DPM1: variants seen among roughly 807,000 people sequenced by gnomAD.
The protein encoded by DPM1 is dolichyl-phosphate mannosyltransferase subunit 1, catalytic.
DPM1 carries 27 observed loss-of-function variants against 39.0 expected under a neutral mutation model. That is an observed-to-expected ratio of 0.69 (90% confidence interval 0.51 to 0.95). The LOEUF (loss-of-function observed/expected upper bound fraction) is 0.95, where lower values mean the gene tolerates loss of function less well. DPM1 is among the 40% of genes least tolerant of loss of function. DPM1 has a pLI of 0.00. For synonymous variants in DPM1, 124 were observed against 109.0 expected, an observed-to-expected ratio of 1.14 and a Z score of -0.86; for missense variants, 307 against 315.6, an observed-to-expected ratio of 0.97 and a Z score of 0.21.
intron 2 of DPM1, among the ~76,000 whole-genome samples, chr20:50,954,967 A>G (rs1986753346): frequency 6.6e-6 from 1 of 152,218 alleles, no homozygotes; most frequent in Non-Finnish European, 1.5e-5. Flanking sequence ...GAGTTCATCC[A>G]AAAGCTCACT....
intron 2 of DPM1, among the ~76,000 whole-genome samples, chr20:50,952,639 C>T (rs1249548690): frequency 2.0e-5 from 3 of 152,090 alleles, no homozygotes; most frequent in Non-Finnish European, 1.5e-5. Flanking sequence ...CTGGCCATTT[C>T]TAGTTTTGGT....
In DPM1 at chr20:50,958,532, T is replaced by C; in HGVS notation, c.-9A>G. On this transcript the variant is annotated 5_prime_UTR_variant, in exon 1 of 9. Coordinates refer to ENST00000371588, the MANE Select transcript of DPM1 (RefSeq NM_003859.3). Reference sequence around the variant, plus strand: ...ACTTCCAAGGAGGCCATGGCGGAACTGAGCCAGATGCCGGAAGCGGAATTA... The same window carrying C: ...ACTTCCAAGGAGGCCATGGCGGAACCGAGCCAGATGCCGGAAGCGGAATTA... The C allele has an allele frequency of 6.2e-7, 1 of 1,612,930 alleles. No homozygotes were observed. The highest frequency in any genetic ancestry group is 8.5e-7 in the Non-Finnish European group (1 of 1,179,914).
chr20:50,941,903 G>C, intron 6 of DPM1, 128 bp downstream of exon 6: 1 of 795,078 alleles, frequency 1.3e-6, no homozygotes. Flanking sequence ...AAACTATCTG[G>C]GAGTATTTAC....
chr20:50,939,654 G>A (rs77800093), intron 7 of DPM1, among the ~76,000 whole-genome samples: 16,441 of 140,992 alleles, frequency 0.12, 916 homozygotes, highest in Middle Eastern at 0.21. Context: ...TTCCTCTGTC[G>A]CCAGGCTGGA....
At chr20:50,947,499 A>G (rs985931063) in intron 3 of DPM1, among the ~76,000 whole-genome samples, 4 of 152,376 alleles carry the variant, frequency 2.6e-5, no homozygotes, top group African/African-American at 7.2e-5. Flanking sequence ...GGTCTTCAAG[A>G]TAGCAGACTC....
chr20:50,948,279 A>G (rs1366217866), intron 3 of DPM1, among the ~76,000 whole-genome samples: 1 of 151,570 alleles, frequency 6.6e-6, no homozygotes, highest in Non-Finnish European at 1.5e-5. Flanking sequence ...GGGCTCTAAC[A>G]TCTCTTCCTG....
intron 3 of DPM1, 36 bp from the exon 4 acceptor site, chr20:50,945,959 C>T: frequency 6.4e-7 from 1 of 1,561,772 alleles, no homozygotes; most frequent in Non-Finnish European, 8.8e-7. Context: ...AGAAAATCAA[C>T]AGAAATCTTT....
chr20:50,954,889 G>A (rs1986750933), intron 2 of DPM1, among the ~76,000 whole-genome samples: 2 of 152,126 alleles, frequency 1.3e-5, no homozygotes, highest in Admixed American at 1.3e-4. Flanking sequence ...AATATTCCTT[G>A]TCAATTCAGT....
intron 5 of DPM1, 33 bp downstream of exon 5, chr20:50,945,704 A>G (rs770378948): frequency 4.0e-6 from 6 of 1,502,880 alleles, no homozygotes; most frequent in Non-Finnish European, 5.5e-6. Context: ...GTTTCCAGTC[A>G]TATTTCTTTC....
At chr20:50,946,835 G>A (rs1232682383) in intron 3 of DPM1, among the ~76,000 whole-genome samples, 1 of 152,224 alleles carries the variant, frequency 6.6e-6, no homozygotes, top group African/African-American at 2.4e-5. Context: ...ACTTTGGGAG[G>A]CTGAGATGGG....
rs565722876 is a variant in DPM1 at position 50,956,421 on chromosome 20, G to C, written c.162-1136C>G. Among the ~76,000 whole-genome samples the C allele has an allele frequency of 2.3e-3, 348 of 151,880 alleles. 2 individuals carry two copies. The highest frequency in any genetic ancestry group is 7.3e-3 in the African/African-American group (302 of 41,426). ...TATCGAGACCATCCTGGCTAACACAGTGAAACCCCGTCTCTACTAAAAAGA... is the reference window on the plus strand; with the variant it reads ...TATCGAGACCATCCTGGCTAACACACTGAAACCCCGTCTCTACTAAAAAGA... On this transcript the variant is annotated intron_variant, in intron 1 of 8. Transcript: ENST00000371588.
At chr20:50,940,694 T>A (rs1220334921) in intron 7 of DPM1, among the ~76,000 whole-genome samples, 171 bp downstream of exon 7, 1 of 152,226 alleles carries the variant, frequency 6.6e-6, no homozygotes, top group East Asian at 1.9e-4. Context: ...AAGCACAATA[T>A]GTCTCCTTGA....
intron 3 of DPM1, among the ~76,000 whole-genome samples, chr20:50,948,122 G>T (rs1208381127): frequency 6.6e-6 from 1 of 152,124 alleles, no homozygotes; most frequent in African/African-American, 2.4e-5. Flanking sequence ...GTGGAAGACT[G>T]CAGGGAGGGG....
intron 1 of DPM1, among the ~76,000 whole-genome samples, chr20:50,956,630 A>G (rs998491132): frequency 6.6e-6 from 1 of 152,372 alleles, no homozygotes; most frequent in South Asian, 2.1e-4. Context: ...AGCCCCAGCA[A>G]ACTTTGAAGA....
Position 50,945,827 on chromosome 20 carries a change from T to G in DPM1, c.372+20A>C. ...GGCTAAGACTACCATAAATAGCTAA[T>G]AAAGAAACATACCACTTACATGGTG... On this transcript the variant is annotated intron_variant, in intron 4 of 8. Transcript: ENST00000371588. 6.2e-7 allele frequency: 1 copy of G among 1,612,158 alleles called. No homozygotes were observed. Among genetic ancestry groups the G allele is most frequent in the Admixed American group, 1.7e-5 (1 of 60,006 alleles).
chr20:50,937,868 GACTC>G (rs1029404348), intron 7 of DPM1, among the ~76,000 whole-genome samples: 4 of 152,110 alleles, frequency 2.6e-5, no homozygotes, highest in Non-Finnish European at 5.9e-5. Context: ...TAGAGACGGA[GACTC>G]ACTATGTTGC....
At chr20:50,956,250 T>G (rs1986814994) in intron 1 of DPM1, among the ~76,000 whole-genome samples, 1 of 152,106 alleles carries the variant, frequency 6.6e-6, no homozygotes, top group Non-Finnish European at 1.5e-5. Flanking sequence ...ACACAATACT[T>G]GGTGGATAAA....
chr20:50,948,689 C>T, intron 2 of DPM1, 27 bp from the exon 3 acceptor site: 1 of 1,603,112 alleles, frequency 6.2e-7, no homozygotes, highest in African/African-American at 1.3e-5. Context: ...TAGCATTTTA[C>T]ACACAGAAAC....
At chr20:50,941,265 A>ATATATATATATATAT (rs1985749255) in intron 6 of DPM1, 15 of 107,330 alleles carry the variant, frequency 1.4e-4, no homozygotes, top group African/African-American at 5.0e-4. Flanking sequence ...TATATATATA[A>ATATATATATATATAT]ATAAAATACA....
Sources: gnomAD v4.1 joint callset for allele counts (sites outside exome capture counted in the v4.1 genomes callset) on GRCh38, gnomAD v4.1.1 for gene constraint, MANE v1.5 for transcripts, NCBI Gene and HGNC (gene_info 2026-07-23, HGNC 2026-07-21) for gene names.